The following FGD4 variants were observed in gnomAD, a reference collection of about 807,000 sequenced individuals.
FGD4 encodes FYVE, RhoGEF and PH domain-containing protein 4.
Under a neutral mutation model 102.0 loss-of-function variants are expected in FGD4, and 42 were observed. The ratio of observed to expected loss-of-function variants is 0.41; its 90% CI spans 0.32 to 0.53. The LOEUF is 0.53. FGD4 is among the 20% of genes least tolerant of loss of function. The pLI is 0.21. For synonymous variants in FGD4, 380 were observed against 375.7 expected (o/e 1.01, Z -0.13); for missense variants, 902 against 1,078.2 (o/e 0.84, Z 2.29).
intron 10 of FGD4, among the ~76,000 whole-genome samples, chr12:32,612,826 T>G (rs891110116): frequency 6.6e-6 from 1 of 152,190 alleles, no homozygotes; most frequent in East Asian, 1.9e-4. Context: ...CTCACTGCAG[T>G]CAGTCCTTGA....
At chr12:32,468,884 T>C (rs1943340187) in intron 1 of FGD4, among the ~76,000 whole-genome samples, 1 of 152,202 alleles carries the variant, frequency 6.6e-6, no homozygotes, top group Non-Finnish European at 1.5e-5. Flanking sequence ...TGGAGTGCAA[T>C]GGCACGATCT....
chr12:32,427,323 C>G (rs183812428), intron 1 of FGD4, among the ~76,000 whole-genome samples: 2 of 152,128 alleles, frequency 1.3e-5, no homozygotes, highest in Non-Finnish European at 2.9e-5. Flanking sequence ...TCGTTATTTA[C>G]CCAGTAGTCA....
At chr12:32,589,075 C>T (rs1045800909) in intron 4 of FGD4, among the ~76,000 whole-genome samples, 3 of 152,154 alleles carry the variant, frequency 2.0e-5, no homozygotes, top group Admixed American at 6.5e-5. Context: ...GTTTCCTCAT[C>T]TGTAAAATGG....
intron 1 of FGD4, among the ~76,000 whole-genome samples, chr12:32,471,478 G>A (rs1055962397): frequency 6.6e-6 from 1 of 152,156 alleles, no homozygotes; most frequent in Non-Finnish European, 1.5e-5. Context: ...TTGATCATAG[G>A]TATAATGCAT....
chr12:32,611,357 T>C, intron 10 of FGD4, 74 bp downstream of exon 10: 1 of 1,565,734 alleles, frequency 6.4e-7, no homozygotes, highest in South Asian at 1.1e-5. Flanking sequence ...GGCTCATGCC[T>C]GTAATCCCAG....
intron 1 of FGD4, among the ~76,000 whole-genome samples, chr12:32,547,760 G>A (rs536636604): frequency 6.6e-6 from 1 of 152,332 alleles, no homozygotes; most frequent in South Asian, 2.1e-4. Flanking sequence ...AGGCTGGAGT[G>A]CAGTGGTGCA....
intron 1 of FGD4, among the ~76,000 whole-genome samples, chr12:32,403,736 A>G (rs1940793687): frequency 6.6e-6 from 1 of 151,884 alleles, no homozygotes; most frequent in Admixed American, 6.6e-5. Flanking sequence ...AGCTGGGACT[A>G]CAGGCACACA....
rs529942358 is a variant in FGD4 at position 32,490,503 on chromosome 12, T to A, written c.167-73634T>A. 5.3e-5 allele frequency among the ~76,000 whole-genome samples: 8 copies of A among 151,480 alleles called. No individual in the cohort carries two copies. In the East Asian group the frequency reaches 1.6e-3, roughly 30 times the overall value. On this transcript the variant is annotated intron_variant, in intron 1 of 16. Transcript: ENST00000534526. ...CCTCCACCTCCCAGGTTCAAGCGAT[T>A]ATATCCTGCCTCAGCCTCCTGAGTA... is the stretch of plus-strand genomic sequence containing the variant.
intron 1 of FGD4, among the ~76,000 whole-genome samples, chr12:32,425,852 C>A (rs558754713): frequency 6.6e-6 from 1 of 152,262 alleles, no homozygotes; most frequent in South Asian, 2.1e-4. Flanking sequence ...TGGGAATTCA[C>A]TCATGATTTG....
At chr12:32,634,905 T>A (rs1950705990) in intron 15 of FGD4, among the ~76,000 whole-genome samples, 1 of 152,054 alleles carries the variant, frequency 6.6e-6, no homozygotes, top group South Asian at 2.1e-4. Flanking sequence ...GGAGAATCGC[T>A]TGAACCCGGG....
chr12:32,443,684 C>T (rs1179982968), intron 1 of FGD4, among the ~76,000 whole-genome samples: 4 of 151,318 alleles, frequency 2.6e-5, no homozygotes, highest in Non-Finnish European at 5.9e-5. Context: ...CAGCGCCACA[C>T]CTAGTGGTGG....
intron 5 of FGD4, among the ~76,000 whole-genome samples, chr12:32,600,703 G>A (rs1948368773): frequency 6.6e-6 from 1 of 151,296 alleles, no homozygotes; most frequent in Non-Finnish European, 1.5e-5. Flanking sequence ...TAAAAAGCAG[G>A]TAAGTATCTG....
chr12:32,498,203 C>G (rs1937940605), intron 1 of FGD4, among the ~76,000 whole-genome samples: 1 of 152,238 alleles, frequency 6.6e-6, no homozygotes, highest in Admixed American at 6.5e-5. Context: ...ACTGCCAACT[C>G]ACAGGGGTGC....
chr12:32,477,515 A>G (rs1309257829), intron 1 of FGD4: 1 of 152,394 alleles, frequency 6.6e-6, no homozygotes, highest in Non-Finnish European at 1.5e-5. Context: ...GATGGACAGA[A>G]GTCATTTTAA....
At chr12:32,577,970 C>G (rs1458417206) in intron 3 of FGD4, among the ~76,000 whole-genome samples, 2 of 152,186 alleles carry the variant, frequency 1.3e-5, no homozygotes, top group Non-Finnish European at 2.9e-5. Flanking sequence ...CTCTCATCCT[C>G]TCCATTTTGG....
At chr12:32,539,358 T>C (rs1242376368) in intron 1 of FGD4, among the ~76,000 whole-genome samples, 3 of 151,914 alleles carry the variant, frequency 2.0e-5, no homozygotes, top group Non-Finnish European at 4.4e-5. Context: ...TCATCTGAGG[T>C]TGGGAGTTCA....
At chr12:32,536,908 T>G (rs1942317221) in intron 1 of FGD4, among the ~76,000 whole-genome samples, 1 of 151,850 alleles carries the variant, frequency 6.6e-6, no homozygotes, top group Non-Finnish European at 1.5e-5. Context: ...CAGTTATTTC[T>G]TTTTTTTCTC....
chr12:32,496,286 A>G (rs1937814194), intron 1 of FGD4, among the ~76,000 whole-genome samples: 2 of 152,210 alleles, frequency 1.3e-5, no homozygotes, highest in African/African-American at 2.4e-5. Context: ...TTGAATTATC[A>G]TAGTTTTTAT....
chr12:32,470,476 T>A (rs1472865427), intron 1 of FGD4, among the ~76,000 whole-genome samples: 1 of 149,948 alleles, frequency 6.7e-6, no homozygotes, highest in Non-Finnish European at 1.5e-5. Flanking sequence ...TTTTTTTTTT[T>A]TTTTTGAGTT....
Sources: allele counts gnomAD v4.1 joint callset (sites outside exome capture counted in the v4.1 genomes callset), GRCh38; gene constraint gnomAD v4.1.1; transcripts MANE v1.5; gene names NCBI Gene and HGNC (gene_info 2026-07-23, HGNC 2026-07-21).